The following BRINP3 variants were observed in gnomAD, a reference collection of about 807,000 sequenced individuals.
BRINP3 encodes the protein BMP/retinoic acid inducible neural specific 3, also known as BMP/retinoic acid-inducible neural-specific protein 3.
Under a neutral mutation model 71.0 loss-of-function variants are expected in BRINP3, and 19 were observed. The ratio of observed to expected loss-of-function variants is 0.27; its 90% CI spans 0.19 to 0.39. BRINP3 has a LOEUF of 0.39. BRINP3 is among the 10% of genes least tolerant of loss of function. BRINP3 has a pLI of 1.00. For synonymous variants in BRINP3, 380 were observed against 337.7 expected (o/e 1.13, Z -1.37); for missense variants, 959 against 940.8 (o/e 1.02, Z -0.25).
At chr1:190,349,440 C>T (rs1241075510) in intron 2 of BRINP3, among the ~76,000 whole-genome samples, 1 of 151,954 alleles carries the variant, frequency 6.6e-6, no homozygotes, top group Non-Finnish European at 1.5e-5. Context: ...AATCCAAACC[C>T]ATATGATAGA....
At chr1:190,308,558 G>C (rs1665290450) in intron 2 of BRINP3, among the ~76,000 whole-genome samples, 1 of 151,602 alleles carries the variant, frequency 6.6e-6, no homozygotes, top group South Asian at 2.1e-4. Context: ...CGAGTTAATG[G>C]GTGCAGCACA....
chr1:190,419,837 T>C (rs149722155), intron 2 of BRINP3, among the ~76,000 whole-genome samples: 66 of 150,024 alleles, frequency 4.4e-4, no homozygotes, highest in Middle Eastern at 3.4e-3. Context: ...CCATGTTAAC[T>C]AGAAGAAAAA....
chr1:190,171,830 C>T (rs924065063), intron 6 of BRINP3, among the ~76,000 whole-genome samples: 14 of 152,206 alleles, frequency 9.2e-5, no homozygotes, highest in Admixed American at 8.5e-4. Context: ...CTTCTTGCCA[C>T]ACACAGTGGC....
intron 2 of BRINP3, among the ~76,000 whole-genome samples, chr1:190,348,229 G>C (rs1225546118): frequency 6.6e-6 from 1 of 152,036 alleles, no homozygotes; most frequent in Non-Finnish European, 1.5e-5. Flanking sequence ...TAAAATAAAA[G>C]ATTTTTATCT....
In BRINP3 at chr1:190,223,753, C is replaced by T. The variant is rs35583901; in HGVS notation, c.961+2329G>A. On this transcript the variant is annotated intron_variant, in intron 6 of 7. Transcript: ENST00000367462. ...TCAAATTAGCGTTGTTTGTAGACAACACAATTTCATACCTAGAAAAAACCT... is the reference window on the plus strand; with the variant it reads ...TCAAATTAGCGTTGTTTGTAGACAATACAATTTCATACCTAGAAAAAACCT... 7.6e-3 allele frequency among the ~76,000 whole-genome samples: 1,157 copies of T among 151,810 alleles called. 7 individuals are homozygous for T. The highest frequency in any genetic ancestry group is 0.014 in the Middle Eastern group (4 of 294).
chr1:190,412,460 T>TCTTTTG (rs1450512217), intron 2 of BRINP3, among the ~76,000 whole-genome samples: 1 of 133,114 alleles, frequency 7.5e-6, no homozygotes, highest in African/African-American at 2.9e-5. Context: ...TGTTTTGTTT[T>TCTTTTG]TTTTTGTTTT....
At chr1:190,367,306 C>T (rs760304798) in intron 2 of BRINP3, among the ~76,000 whole-genome samples, 8 of 152,180 alleles carry the variant, frequency 5.3e-5, no homozygotes, top group Non-Finnish European at 8.8e-5. Flanking sequence ...ATGGCCCTAC[C>T]TGTACCTTGA....
intron 3 of BRINP3, among the ~76,000 whole-genome samples, chr1:190,266,021 T>G (rs1418227497): frequency 6.6e-6 from 1 of 152,196 alleles, no homozygotes; most frequent in Non-Finnish European, 1.5e-5. Flanking sequence ...GTATTACAAT[T>G]AAGCTGAACT....
At position 190,160,718 on chromosome 1, in the gene BRINP3, G is replaced by C. The variant is rs921241650; in HGVS notation, c.1134C>G (p.Ser378Arg). 1 of 1,613,498 alleles carries C rather than the reference G, an allele frequency of 6.2e-7. No individual in the cohort carries two copies. The highest frequency in any genetic ancestry group is 1.7e-5 in the Admixed American group (1 of 59,924). Residue 378 changes from serine to arginine, a missense_variant, in exon 7 of 8, where the codon AGC becomes AGG. By Grantham distance (110) the Ser-to-Arg change is moderately radical. Transcript: ENST00000367462. The stretch of plus-strand genomic sequence containing the variant: ...GTTGTTTATGACACCTCTTGCTAAG[G>C]CTAAAAAGCTTGTGTACAATTTTCT... ...KAQKIVHKLFSLSKRCHKQPL... is the reference protein window; with the variant it reads ...KAQKIVHKLFRLSKRCHKQPL...
chr1:190,194,050 T>C (rs1654272950), intron 6 of BRINP3, among the ~76,000 whole-genome samples: 1 of 152,134 alleles, frequency 6.6e-6, no homozygotes, highest in Non-Finnish European at 1.5e-5. Context: ...TTTCCTTGTC[T>C]AAGTTGTTCA....
chr1:190,114,526 C>CTGTGTG (rs34766118), intron 7 of BRINP3, among the ~76,000 whole-genome samples: 5,089 of 143,082 alleles, frequency 0.036, 142 homozygotes, highest in African/African-American at 0.078. Context: ...AAGTTTGCCA[C>CTGTGTG]TGTGTGTGTG....
intron 6 of BRINP3, among the ~76,000 whole-genome samples, chr1:190,209,185 T>A (rs928944844): frequency 3.3e-5 from 5 of 152,178 alleles, no homozygotes; most frequent in Non-Finnish European, 5.9e-5. Flanking sequence ...AATCTTCTTA[T>A]ACATAATTCA....
At chr1:190,307,753 T>C (rs145668575) in intron 2 of BRINP3, among the ~76,000 whole-genome samples, 2 of 152,094 alleles carry the variant, frequency 1.3e-5, no homozygotes, top group African/African-American at 2.4e-5. Flanking sequence ...TTTTTCATTT[T>C]CCTTCCATCT....
chr1:190,325,731 T>C (rs1228873827), intron 2 of BRINP3, among the ~76,000 whole-genome samples: 1 of 152,094 alleles, frequency 6.6e-6, no homozygotes, highest in Non-Finnish European at 1.5e-5. Flanking sequence ...TAACACTTCA[T>C]ATGCTGATCT....
intron 7 of BRINP3, among the ~76,000 whole-genome samples, chr1:190,123,078 T>C (rs1048273891): frequency 5.3e-5 from 8 of 152,040 alleles, no homozygotes; most frequent in African/African-American, 1.9e-4. Flanking sequence ...AACTGAGAAG[T>C]CTCTGTAGCT....
chr1:190,185,351 C>A (rs1653418230), intron 6 of BRINP3, among the ~76,000 whole-genome samples: 2 of 151,888 alleles, frequency 1.3e-5, no homozygotes, highest in Non-Finnish European at 2.9e-5. Context: ...ATAAAAAATG[C>A]TCAAGTCCCT....
At chr1:190,342,125 ATCTGGTTC>A (rs1292367696) in intron 2 of BRINP3, among the ~76,000 whole-genome samples, 2 of 151,144 alleles carry the variant, frequency 1.3e-5, no homozygotes, top group Non-Finnish European at 3.0e-5. Context: ...TCTTGCATTT[ATCTGGTTC>A]TCTGTCTTCT....
chr1:190,389,283 C>T lies in BRINP3; in HGVS notation c.236+65372G>A, dbSNP rs181552125. Among the ~76,000 whole-genome samples the T allele has an allele frequency of 6.5e-4, 99 of 151,794 alleles. 1 individual carries two copies. The East Asian group carries it at 9.7e-3, about 15-fold the overall frequency. On this transcript the variant is annotated intron_variant, in intron 2 of 7. Coordinates refer to ENST00000367462, the MANE Select transcript of BRINP3 (RefSeq NM_199051.3). ...CTCTTTCCCTACCATCCAATCTATT[C>T]CCTCCATTCCCCCATTTCTTCCTCT...
chr1:190,388,378 T>C (rs1175338250), intron 2 of BRINP3, among the ~76,000 whole-genome samples: 3 of 151,776 alleles, frequency 2.0e-5, no homozygotes, highest in African/African-American at 4.8e-5. Flanking sequence ...TGACCTAATA[T>C]GAAAATAGAG....
Sources: allele counts gnomAD v4.1 joint callset (sites outside exome capture counted in the v4.1 genomes callset), GRCh38; gene constraint gnomAD v4.1.1; transcripts MANE v1.5; gene names NCBI Gene and HGNC (gene_info 2026-07-23, HGNC 2026-07-21).